TDRP: variants seen among roughly 807,000 people sequenced by gnomAD.
The protein encoded by TDRP is testis development related protein.
A neutral mutation model predicts 10.5 loss-of-function variants in TDRP; 12 were observed. The observed-to-expected ratio is 1.15, with a 90% CI of 0.73 to 1.86. The LOEUF (loss-of-function observed/expected upper bound fraction) is 1.86. Among genes scored for constraint, TDRP ranks in the 40% most tolerant of loss-of-function variants. TDRP has a pLI of 0.00. For missense variants in TDRP, 353 were observed against 229.2 expected, an observed-to-expected ratio of 1.54 and a Z score of -3.49; for synonymous variants, 139 against 95.4, an observed-to-expected ratio of 1.46 and a Z score of -2.67.
intron 1 of TDRP, among the ~76,000 whole-genome samples, chr8:505,759 G>A (rs537627492): frequency 1.3e-5 from 2 of 152,164 alleles, no homozygotes; most frequent in African/African-American, 4.8e-5. Context: ...GAGAAATCGT[G>A]AGCTGCTGTG....
rs1801060395 is a variant in TDRP at position 494,077 on chromosome 8, C to T, written c.212+417G>A. On this transcript the variant is annotated intron_variant, in intron 2 of 2. Transcript: ENST00000324079. ...GTTCAAGCAATTCTCCTGCCTCAGC[C>T]TCCCGAGTAGCTGGGATTATAGGCA... is the stretch of plus-strand genomic sequence containing the variant. Among the ~76,000 whole-genome samples, 6 of 149,174 alleles carry T rather than the reference C, an allele frequency of 4.0e-5. No individual in the cohort carries two copies. In the Admixed American group the frequency reaches 4.1e-4, roughly 10 times the overall value.
At chr8:530,109 T>G (rs1385387737) in intron 1 of TDRP, among the ~76,000 whole-genome samples, 1 of 152,206 alleles carries the variant, frequency 6.6e-6, no homozygotes, top group African/African-American at 2.4e-5. Flanking sequence ...GTTTGACGAT[T>G]CTTCTGCATG....
intron 1 of TDRP, among the ~76,000 whole-genome samples, chr8:531,595 G>C (rs1399986923): frequency 2.0e-5 from 3 of 152,184 alleles, no homozygotes; most frequent in Non-Finnish European, 4.4e-5. Flanking sequence ...AAAATGAAAA[G>C]GCGTAAGGAT....
At position 493,448 on chromosome 8, in the gene TDRP, G is replaced by A. The variant is rs149755248; in HGVS notation, c.213-704C>T. Reference sequence around the variant, plus strand: ...TGAAGTCACAGCTCCGCCAGAGCACGAAGGGCCATGTGTCTGTCCTCAGTG... The same window carrying A: ...TGAAGTCACAGCTCCGCCAGAGCACAAAGGGCCATGTGTCTGTCCTCAGTG... On this transcript the variant is annotated intron_variant, in intron 2 of 2. Transcript: ENST00000324079. Among the ~76,000 whole-genome samples, 62 of 152,354 alleles carry A rather than the reference G, an allele frequency of 4.1e-4. 1 individual carries two copies. Among genetic ancestry groups the A allele is most frequent in the Middle Eastern group, 6.8e-3 (2 of 294 alleles).
chr8:515,437 G>C (rs772738143), intron 1 of TDRP, among the ~76,000 whole-genome samples: 2 of 152,110 alleles, frequency 1.3e-5, no homozygotes, highest in African/African-American at 4.8e-5. Flanking sequence ...CAGATATTTT[G>C]GGATTTTGAA....
rs999249160 is a variant in TDRP, at chr8:514,635, C to T, written c.109-20038G>A. ...GGCCACAAAACCACCCTGTGACTGC[C>T]GGATCCACATAAGCCAAGGAGCTTG... On this transcript the variant is annotated intron_variant, in intron 1 of 2. Transcript: ENST00000324079. Among the ~76,000 whole-genome samples, 6 of 152,172 alleles carry T rather than the reference C, an allele frequency of 3.9e-5. No homozygotes were observed. In the East Asian group the frequency reaches 5.8e-4, roughly 15 times the overall value.
rs554506685 is a variant in TDRP, at chr8:521,095, T to C, written c.108+23555A>G. On this transcript the variant is annotated intron_variant, in intron 1 of 2. Coordinates refer to ENST00000324079, the MANE Select transcript of TDRP (RefSeq NM_001384899.1). ...CTTTAATCTATTTTGAATTAATTTTTGTACAGGTGTTAAAGATCCAACTTT... is the reference window on the plus strand; with the variant it reads ...CTTTAATCTATTTTGAATTAATTTTCGTACAGGTGTTAAAGATCCAACTTT... 3.2e-4 allele frequency among the ~76,000 whole-genome samples: 48 copies of C among 152,120 alleles called. 1 individual carries two copies. The South Asian group carries it at 9.3e-3, about 30-fold the overall frequency.
At chr8:532,746 C>T (rs1032386288) in intron 1 of TDRP, among the ~76,000 whole-genome samples, 2 of 152,144 alleles carry the variant, frequency 1.3e-5, no homozygotes, top group African/African-American at 4.8e-5. Context: ...ACCTTACAGT[C>T]AGAAGAGATT....
At chr8:499,185 G>A (rs1485875617) in intron 1 of TDRP, among the ~76,000 whole-genome samples, 1 of 152,114 alleles carries the variant, frequency 6.6e-6, no homozygotes, top group African/African-American at 2.4e-5. Flanking sequence ...GGAATAAGAT[G>A]CCAAAAAAAT....
chr8:529,193 A>AC (rs1364497470), intron 1 of TDRP, among the ~76,000 whole-genome samples: 3 of 152,086 alleles, frequency 2.0e-5, no homozygotes, highest in Non-Finnish European at 4.4e-5. Flanking sequence ...TCATAGACAT[A>AC]CCCCAGGATC....
chr8:513,244 A>G (rs1801665503), intron 1 of TDRP, among the ~76,000 whole-genome samples: 1 of 152,106 alleles, frequency 6.6e-6, no homozygotes, highest in Admixed American at 6.6e-5. Flanking sequence ...ATGAATATGG[A>G]CCAAAAAAAC....
At chr8:518,392 C>T (rs143013168) in intron 1 of TDRP, among the ~76,000 whole-genome samples, 4 of 152,064 alleles carry the variant, frequency 2.6e-5, no homozygotes, top group South Asian at 2.1e-4. Context: ...TAAAAGGTAA[C>T]CTGTGCTACC....
chr8:536,227 C>T (rs571067279), intron 1 of TDRP, among the ~76,000 whole-genome samples: 1 of 152,168 alleles, frequency 6.6e-6, no homozygotes. Flanking sequence ...TGGAATTTAC[C>T]TAGCTAATTG....
intron 1 of TDRP, among the ~76,000 whole-genome samples, chr8:522,873 C>A (rs1317718558): frequency 6.6e-6 from 1 of 152,178 alleles, no homozygotes; most frequent in East Asian, 1.9e-4. Flanking sequence ...ATATCTCTTG[C>A]ATGGAATCTT....
intron 1 of TDRP, among the ~76,000 whole-genome samples, chr8:528,118 C>A (rs112613418): frequency 0.012 from 1,756 of 148,164 alleles, 15 homozygotes; most frequent in Non-Finnish European, 0.016. Context: ...AGACATTTTC[C>A]AAAAGAAGAC....
At chr8:498,589 G>T (rs974331701) in intron 1 of TDRP, among the ~76,000 whole-genome samples, 1 of 152,186 alleles carries the variant, frequency 6.6e-6, no homozygotes, top group African/African-American at 2.4e-5. Context: ...TGAGACTTTG[G>T]ATTTGACTTT....
At chr8:509,033 T>G (rs2116770421) in intron 1 of TDRP, among the ~76,000 whole-genome samples, 1 of 152,334 alleles carries the variant, frequency 6.6e-6, no homozygotes, top group South Asian at 2.1e-4. Flanking sequence ...ATAATCTCCT[T>G]TGACTCCATG....
At chr8:493,935 C>G (rs1401208653) in intron 2 of TDRP, among the ~76,000 whole-genome samples, 1 of 150,316 alleles carries the variant, frequency 6.7e-6, no homozygotes, top group African/African-American at 2.5e-5. Context: ...CCCTCAGGAC[C>G]TTTTATCCAA....
At chr8:515,911 T>TA (rs1801745579) in intron 1 of TDRP, among the ~76,000 whole-genome samples, 1 of 151,756 alleles carries the variant, frequency 6.6e-6, no homozygotes, top group Admixed American at 6.6e-5. Context: ...TGGCTGAATA[T>TA]AAAAGAAATA....
Sources: allele counts gnomAD v4.1 joint callset (sites outside exome capture counted in the v4.1 genomes callset), GRCh38; gene constraint gnomAD v4.1.1; transcripts MANE v1.5; gene names NCBI Gene and HGNC (gene_info 2026-07-23, HGNC 2026-07-21).